The following LRRC14B variants were observed in gnomAD, a reference collection of about 807,000 sequenced individuals.
LRRC14B encodes leucine rich repeat containing 14B.
A neutral mutation model predicts 16.9 loss-of-function variants in LRRC14B; 23 were observed. The observed-to-expected ratio is 1.36, with a 90% CI of 0.98 to 1.92. The LOEUF (loss-of-function observed/expected upper bound fraction) is 1.92, where lower values mean the gene tolerates loss of function less well. LRRC14B is among the 30% of genes most tolerant of loss of function. The pLI, the probability that LRRC14B is intolerant of heterozygous loss-of-function variation, is 0.00. For synonymous variants in LRRC14B, 358 were observed against 332.5 expected (o/e 1.08, Z -0.83); for missense variants, 766 against 705.7 (o/e 1.09, Z -0.97).
rs1446835902 is a variant in LRRC14B at position 195,493 on chromosome 5, G to A, written c.*140G>A. On this transcript the variant is annotated 3_prime_UTR_variant, in exon 2 of 2. Coordinates refer to ENST00000328278, the MANE Select transcript of LRRC14B (RefSeq NM_001080478.3). The stretch of plus-strand genomic sequence containing the variant: ...AAGCAGTTCTTAGTGAAAATTGTAG[G>A]CGAGCCTGTTAAGCGTTGTAGAAGA... The A allele has an allele frequency of 3.5e-6, 3 of 866,684 alleles. No homozygotes were observed. The highest frequency in any genetic ancestry group is 5.2e-6 in the Non-Finnish European group (3 of 573,918). The allele number at this position is 866,684 out of a possible 1,614,324, so 53.7% of individuals were successfully genotyped here. A position where few individuals can be genotyped will look rare whatever the true frequency, so the allele number is the denominator to read the frequency against.
chr5:192,147 C>A lies in LRRC14B; in HGVS notation c.609C>A (p.His203Gln). Residue 203 changes from histidine (H) to glutamine (Q), a missense_variant, in exon 1 of 2, where the codon CAC (histidine) becomes CAA (glutamine). By Grantham distance (24) the His-to-Gln change is conservative. Coordinates refer to ENST00000328278, the MANE Select transcript of LRRC14B (RefSeq NM_001080478.3). ...GCCTGAGCCCCAGCCAGCTCCTGCA[C>A]GTGCTGCGTCTGGCTGGCCCGGGTG... ...ADSLSPSQLL[H>Q]VLRLAGPGAL... 6.3e-7 allele frequency: 1 copy of A among 1,593,022 alleles called. No individual in the cohort carries two copies. The highest frequency in any genetic ancestry group is 8.5e-7 in the Non-Finnish European group (1 of 1,171,130).
chr5:192,939 G>C (rs1579349127), intron 1 of LRRC14B, among the ~76,000 whole-genome samples: 1 of 152,330 alleles, frequency 6.6e-6, no homozygotes, highest in East Asian at 1.9e-4. Flanking sequence ...ATGCTGCATG[G>C]ACCTCCCCAT....
chr5:195,608 A>ACAG lies in LRRC14B; in HGVS notation c.*256_*258dup, dbSNP rs1245965176. ...CGGGGGAAGCCACCAAGAGACAGTGACAGGGTCAGCGGGGGCAGACGCCAC... is the reference window on the plus strand; with the variant it reads ...CGGGGGAAGCCACCAAGAGACAGTGACAGCAGGGTCAGCGGGGGCAGACGCCAC... On this transcript the variant is annotated 3_prime_UTR_variant, in exon 2 of 2. Coordinates refer to ENST00000328278, the MANE Select transcript of LRRC14B (RefSeq NM_001080478.3). Among the ~76,000 whole-genome samples the ACAG allele has an allele frequency of 2.0e-5, 3 of 152,184 alleles. No homozygotes were observed. The highest frequency in any genetic ancestry group is 7.2e-5 in the African/African-American group (3 of 41,452).
chr5:196,268 A>G lies in LRRC14B; in HGVS notation c.*915A>G, dbSNP rs747948176. The G allele has an allele frequency of 2.0e-5, 3 of 152,232 alleles. No individual in the cohort carries two copies. The highest frequency in any genetic ancestry group is 4.4e-5 in the Non-Finnish European group (3 of 68,036). 9.4% of individuals were successfully genotyped at this position (152,232 alleles called of 1,614,324 possible). On this transcript the variant is annotated 3_prime_UTR_variant, in exon 2 of 2. Coordinates refer to ENST00000328278, the MANE Select transcript of LRRC14B (RefSeq NM_001080478.3). ...TTGGACTTGGTGTCCACCAAGAGTGACTTTGTGCAAAGAAATGGCTGAGCA... is the reference window on the plus strand; with the variant it reads ...TTGGACTTGGTGTCCACCAAGAGTGGCTTTGTGCAAAGAAATGGCTGAGCA...
chr5:192,356 G>A lies in LRRC14B; in HGVS notation c.818G>A (p.Arg273Gln), dbSNP rs748490211. The change falls in exon 1 of 2, where the codon CGG (arginine) becomes CAG (glutamine). Residue 273 changes from arginine to glutamine, a missense_variant. Physicochemically the swap from Arg to Gln is conservative, Grantham distance 43 (BLOSUM62 1). Transcript: ENST00000328278. ...GEDPLLASIARELSKMAQLTE... is the reference protein window; with the variant it reads ...GEDPLLASIAQELSKMAQLTE... ...GACCCCCTCCTCGCCTCCATCGCCC[G>A]GGAGCTCAGCAAGATGGCGCAGCTC... The A allele has an allele frequency of 1.5e-5, 24 of 1,592,032 alleles. No homozygotes were observed. Among genetic ancestry groups the A allele is most frequent in the East Asian group, 9.2e-5 (4 of 43,618 alleles).
In LRRC14B at chr5:194,808, G is replaced by C. The variant is rs746145345; in HGVS notation, c.1000G>C (p.Glu334Gln). The C allele has an allele frequency of 5.0e-6, 8 of 1,608,346 alleles. No homozygotes were observed. The South Asian group carries it at 8.9e-5, about 18-fold the overall frequency. The change falls in exon 2 of 2, where the codon GAG becomes CAG. Residue 334 changes from glutamate to glutamine, a missense_variant. By Grantham distance (29) the Glu-to-Gln change is conservative. Coordinates refer to ENST00000328278, the MANE Select transcript of LRRC14B (RefSeq NM_001080478.3). ...AGACTGTGCCCACGCTGCCCACCTG[G>C]AGGTGCTGGACCTCAGTGGACACAA... Reference protein sequence around the residue: ...LADCAHAAHLEVLDLSGHNLV... With the variant: ...LADCAHAAHLQVLDLSGHNLV...
intron 1 of LRRC14B, 26 bp downstream of exon 1, chr5:192,463 G>A: frequency 2.0e-6 from 3 of 1,486,654 alleles, no homozygotes; most frequent in Non-Finnish European, 2.7e-6. Flanking sequence ...GGGACTGAGG[G>A]CGGGCTGGTG....
rs545569289 is a variant in LRRC14B, at chr5:191,783, C to A, written c.245C>A (p.Thr82Asn). ...ADHPQDLRDR[T>N]CRACLEALVR... ...CACCCCCAGGACCTGCGCGACAGAA[C>A]CTGCAGGGCCTGCCTGGAGGCGCTG... The change falls in exon 1 of 2, where the codon ACC becomes AAC. Residue 82 changes from threonine to asparagine, a missense_variant. By Grantham distance (65) the Thr-to-Asn change is moderately conservative (BLOSUM62 0). Transcript: ENST00000328278. 1.3e-6 allele frequency: 2 copies of A among 1,537,962 alleles called. No homozygotes were observed. Among genetic ancestry groups the A allele is most frequent in the African/African-American group, 2.7e-5 (2 of 72,928 alleles).
Position 192,309 on chromosome 5 carries a change from C to G in LRRC14B, c.771C>G (p.Tyr257Ter). ...AGGCCTTTGATGCACCCCCCACCTA[C>G]GCCTCCACTCCCGACGGCGAGGACC... ...PTKAFDAPPT[Y>*]ASTPDGEDPL... The change falls in exon 1 of 2, where the codon TAC becomes TAG. Residue 257 changes from tyrosine to a stop codon, truncating the protein, a stop_gained. Transcript: ENST00000328278. LOFTEE classifies it high-confidence loss of function. 6.2e-7 allele frequency: 1 copy of G among 1,600,008 alleles called. No homozygotes were observed. The highest frequency in any genetic ancestry group is 1.1e-5 in the South Asian group (1 of 88,382).
In LRRC14B at chr5:195,064, G is replaced by A. The variant is rs201956987; in HGVS notation, c.1256G>A (p.Arg419His). Residue 419 changes from arginine (R) to histidine (H), a missense_variant, in exon 2 of 2, where the codon CGC becomes CAC. By Grantham distance (29) the Arg-to-His change is conservative. Transcript: ENST00000328278. ...GCACTCTGTGAGCTCCCCGAGCTGCGCTGCATTGAGTTCCCGGTGCCCAAG... is the reference window on the plus strand; with the variant it reads ...GCACTCTGTGAGCTCCCCGAGCTGCACTGCATTGAGTTCCCGGTGCCCAAG... ...FTALCELPEL[R>H]CIEFPVPKDC... 194 of 1,613,646 alleles carry A rather than the reference G, an allele frequency of 1.2e-4. 1 individual carries two copies. The East Asian group carries it at 2.8e-3, about 23-fold the overall frequency.
chr5:194,774 C>T lies in LRRC14B; in HGVS notation c.966C>T (p.Ala322=). Residue 322 remains alanine (A), a synonymous_variant, in exon 2 of 2, where the codon GCC becomes GCT. Coordinates refer to ENST00000328278, the MANE Select transcript of LRRC14B (RefSeq NM_001080478.3). ...ANCALNHTDM[A]FLADCAHAAH... Reference sequence around the variant, plus strand: ...GTGCCCTGAACCACACGGACATGGCCTTCTTGGCAGACTGTGCCCACGCTG... The same window carrying T: ...GTGCCCTGAACCACACGGACATGGCTTTCTTGGCAGACTGTGCCCACGCTG... The T allele has an allele frequency of 1.9e-6, 3 of 1,613,414 alleles. No homozygotes were observed. Among genetic ancestry groups the T allele is most frequent in the Non-Finnish European group, 2.5e-6 (3 of 1,179,660 alleles).
chr5:191,808 G>A lies in LRRC14B; in HGVS notation c.270G>A (p.Leu90=), dbSNP rs1046663487. The stretch of plus-strand genomic sequence containing the variant: ...CCTGCAGGGCCTGCCTGGAGGCGCT[G>A]GTGCGCGGCCTCGCGGACCACGTGC... The part of the protein sequence containing the change: ...DRTCRACLEA[L]VRGLADHVLQ... The change falls in exon 1 of 2, where the codon CTG becomes CTA. Residue 90 remains leucine (L), a synonymous_variant. Coordinates refer to ENST00000328278, the MANE Select transcript of LRRC14B (RefSeq NM_001080478.3). 20 of 1,532,696 alleles carry A rather than the reference G, an allele frequency of 1.3e-5. No homozygotes were observed. In the East Asian group the frequency reaches 4.7e-4, roughly 36 times the overall value. 94.9% of individuals were successfully genotyped at this position (1,532,696 alleles called of 1,614,324 possible).
At chr5:194,089 A>G (rs1386029543) in intron 1 of LRRC14B, among the ~76,000 whole-genome samples, 1 of 151,934 alleles carries the variant, frequency 6.6e-6, no homozygotes, top group African/African-American at 2.4e-5. Flanking sequence ...GGAAGCCTCC[A>G]TGGCCCTTCC....
chr5:194,440 C>T (rs1733872825), intron 1 of LRRC14B, among the ~76,000 whole-genome samples: 1 of 152,222 alleles, frequency 6.6e-6, no homozygotes, highest in East Asian at 1.9e-4. Flanking sequence ...TCATGGCCAA[C>T]ACTAAGCGAA....
Position 191,781 on chromosome 5 carries a change from A to G in LRRC14B, c.243A>G (p.Arg81=), listed in dbSNP as rs1396600780. The G allele has an allele frequency of 3.9e-6, 6 of 1,540,524 alleles. No homozygotes were observed. In the Admixed American group the frequency reaches 7.8e-5, roughly 20 times the overall value. Residue 81 remains arginine, a synonymous_variant, in exon 1 of 2, where the codon AGA becomes AGG. Transcript: ENST00000328278. ...GADHPQDLRD[R]TCRACLEALV... is the part of the protein sequence containing the mutation. ...ACCACCCCCAGGACCTGCGCGACAG[A>G]ACCTGCAGGGCCTGCCTGGAGGCGC...
At chr5:193,173 G>A (rs1733841055) in intron 1 of LRRC14B, among the ~76,000 whole-genome samples, 1 of 151,588 alleles carries the variant, frequency 6.6e-6, no homozygotes, top group South Asian at 2.1e-4. Flanking sequence ...GGAACGGGGT[G>A]CCTGGCAATG....
At chr5:194,015 G>A (rs1478495382) in intron 1 of LRRC14B, among the ~76,000 whole-genome samples, 1 of 152,146 alleles carries the variant, frequency 6.6e-6, no homozygotes, top group Non-Finnish European at 1.5e-5. Context: ...AACCAAGTCA[G>A]AATATGGGAT....
Position 195,754 on chromosome 5 carries a change from G to A in LRRC14B, c.*401G>A, listed in dbSNP as rs1317589856. On this transcript the variant is annotated 3_prime_UTR_variant, in exon 2 of 2. Coordinates refer to ENST00000328278, the MANE Select transcript of LRRC14B (RefSeq NM_001080478.3). Reference sequence around the variant, plus strand: ...AGATGTGACTGGGCTCCACAGCAGGGAGGGGGAGGGGAAGAGAGAACACAT... The same window carrying A: ...AGATGTGACTGGGCTCCACAGCAGGAAGGGGGAGGGGAAGAGAGAACACAT... 4.6e-6 allele frequency: 1 copy of A among 217,618 alleles called. No homozygotes were observed. The highest frequency in any genetic ancestry group is 8.4e-5 in the South Asian group (1 of 11,944). The allele number at this position is 217,618 out of a possible 1,614,324, so 13.5% of individuals were successfully genotyped here.
chr5:194,702 C>A lies in LRRC14B; in HGVS notation c.900-6C>A. On this transcript the variant is annotated splice_polypyrimidine_tract_variant and splice_region_variant and intron_variant, in intron 1 of 1. Coordinates refer to ENST00000328278, the MANE Select transcript of LRRC14B (RefSeq NM_001080478.3). The stretch of plus-strand genomic sequence containing the variant: ...TCACCTGTGCTCTTTCCCCCGTGTC[C>A]TGCAGCCCCCTACAGACCCCGCTGC... 6.3e-7 allele frequency: 1 copy of A among 1,594,096 alleles called. No individual in the cohort carries two copies. Among genetic ancestry groups the A allele is most frequent in the Non-Finnish European group, 8.6e-7 (1 of 1,169,324 alleles).
Sources: gnomAD v4.1 joint callset for allele counts (sites outside exome capture counted in the v4.1 genomes callset) on GRCh38, gnomAD v4.1.1 for gene constraint, MANE v1.5 for transcripts, NCBI Gene and HGNC (gene_info 2026-07-23, HGNC 2026-07-21) for gene names.